Variants in MACF1 observed in about 807,000 individuals in gnomAD.
The protein encoded by MACF1 is microtubule actin crosslinking factor 1, also known as microtubule-actin cross-linking factor 1.
A neutral mutation model predicts 854.8 loss-of-function variants in MACF1; 193 were observed. The ratio of observed to expected loss-of-function variants is 0.23; its 90% CI spans 0.20 to 0.25. The LOEUF (loss-of-function observed/expected upper bound fraction) is 0.25, where lower values mean the gene tolerates loss of function less well. MACF1 is among the 10% of genes least tolerant of loss of function. MACF1 has a pLI of 1.00. For synonymous variants in MACF1, 3,185 were observed against 3,226.7 expected (o/e 0.99, Z 0.44); for missense variants, 7,722 against 8,929.1 (o/e 0.86, Z 5.45).
chr1:39,465,228 G>A (rs1644641269), intron 95 of MACF1, 116 bp downstream of exon 95: 3 of 1,036,394 alleles, frequency 2.9e-6, no homozygotes, highest in African/African-American at 1.6e-5. Flanking sequence ...GGTCGCACCT[G>A]GTTGTCTTAC....
At chr1:39,299,351 T>G (rs1349939717) in intron 21 of MACF1, 5 of 451,440 alleles carry the variant, frequency 1.1e-5, no homozygotes, top group African/African-American at 2.0e-5. Context: ...TCTCATCGCA[T>G]CTACATCCAT....
At chr1:39,284,731 A>G (rs1210397414) in intron 11 of MACF1, among the ~76,000 whole-genome samples, 1 of 152,206 alleles carries the variant, frequency 6.6e-6, no homozygotes, top group Non-Finnish European at 1.5e-5. Flanking sequence ...TAGGGTGGAA[A>G]GAAGAGAGAC....
chr1:39,465,646 G>C (rs146779811), intron 95 of MACF1, among the ~76,000 whole-genome samples: 2 of 152,288 alleles, frequency 1.3e-5, no homozygotes, highest in African/African-American at 4.8e-5. Context: ...AGATTTAATG[G>C]GACCAAATTA....
chr1:39,150,158 C>T (rs1643548713), intron 2 of MACF1, among the ~76,000 whole-genome samples: 1 of 152,100 alleles, frequency 6.6e-6, no homozygotes, highest in African/African-American at 2.4e-5. Context: ...GCTGGGGTTA[C>T]AGGCGCATGT....
chr1:39,283,377 G>A lies in MACF1; in HGVS notation c.809-32G>A, dbSNP rs925347735. On this transcript the variant is annotated intron_variant, in intron 8 of 100. Transcript: ENST00000564288. This position sits in a 1 kb window ranked among gnomAD's most constrained non-coding sequence, Gnocchi z 4.5. The stretch of plus-strand genomic sequence containing the variant: ...TTCTTCTGGCAAGTTCCTTTGTTCT[G>A]ACTAAGAAATTTCTTGTCCATTCTC... The A allele has an allele frequency of 1.3e-6, 2 of 1,590,312 alleles. No homozygotes were observed.
At chr1:39,395,099 C>CA (rs1207522872) in intron 58 of MACF1, among the ~76,000 whole-genome samples, 1 of 152,182 alleles carries the variant, frequency 6.6e-6, no homozygotes, top group East Asian at 1.9e-4. Flanking sequence ...GGCAGCCACT[C>CA]ACGCCACCAC....
intron 23 of MACF1, 114 bp from the exon 24 acceptor site, chr1:39,309,456 C>T: frequency 7.9e-7 from 1 of 1,259,320 alleles, no homozygotes; most frequent in Non-Finnish European, 1.1e-6. Flanking sequence ...TTGCCTTTCT[C>T]TGCTCAACAT....
In MACF1 at chr1:39,307,901, C is replaced by CTTTTTTTTTTTTTTTTTTTTTTTTTTTT. The variant is rs34930273; in HGVS notation, c.2790-1648_2790-1647insTTTTTTTTTTTTTTTTTTTTTTTTTTTT. On this transcript the variant is annotated intron_variant, in intron 23 of 100. Coordinates refer to ENST00000564288, the MANE Select transcript of MACF1 (RefSeq NM_001394062.1). ...TTATTTCTCTTTTCTTTCTTTCTTTCTTTTTTTTTTTTTTTTTTTTTGAGA... is the reference window on the plus strand; with the variant it reads ...TTATTTCTCTTTTCTTTCTTTCTTTCTTTTTTTTTTTTTTTTTTTTTTTTTTTTTTTTTTTTTTTTTTTTTTTTTGAGA... Among the ~76,000 whole-genome samples, 43 of 50,398 alleles carry CTTTTTTTTTTTTTTTTTTTTTTTTTTTT rather than the reference C, an allele frequency of 8.5e-4. 1 individual carries two copies. Among genetic ancestry groups the CTTTTTTTTTTTTTTTTTTTTTTTTTTTT allele is most frequent in the East Asian group, 1.4e-3 (2 of 1,454 alleles). The allele number at this position is 50,398 out of a possible 152,430, so 33.1% of individuals were successfully genotyped here.
chr1:39,308,095 G>A (rs868593843), intron 23 of MACF1, among the ~76,000 whole-genome samples: 1 of 151,272 alleles, frequency 6.6e-6, no homozygotes, highest in Non-Finnish European at 1.5e-5. Context: ...TAGTAGAGAC[G>A]GGGTTTCACC....
At position 39,482,747 on chromosome 1, in the gene MACF1, T is replaced by C. The variant is rs551553087; in HGVS notation, c.22281+1717T>C. Among the ~76,000 whole-genome samples, 14 of 142,064 alleles carry C rather than the reference T, an allele frequency of 9.9e-5. No individual in the cohort carries two copies. The South Asian group carries it at 3.1e-3, about 31-fold the overall frequency. The allele number at this position is 142,064 out of a possible 152,430, so 93.2% of individuals were successfully genotyped here. A position where few individuals can be genotyped will look rare whatever the true frequency, so the allele number is the denominator to read the frequency against. On this transcript the variant is annotated intron_variant, in intron 99 of 100. Transcript: ENST00000564288. The stretch of plus-strand genomic sequence containing the variant: ...AGGCAGAGGTTGCAGTGAGCCAAGA[T>C]TGTGCCACTGCACTCCAGCCTGGGC...
intron 58 of MACF1, chr1:39,414,245 C>T (rs781590150): frequency 6.2e-7 from 1 of 1,614,066 alleles, no homozygotes; most frequent in Non-Finnish European, 8.5e-7. Flanking sequence ...GCTGCAGTGC[C>T]TCCTATGGAG....
chr1:39,365,199 C>A (rs996280406), intron 49 of MACF1, among the ~76,000 whole-genome samples: 1 of 152,130 alleles, frequency 6.6e-6, no homozygotes, highest in African/African-American at 2.4e-5. Context: ...CCTCAACCTC[C>A]CAAGTAGCTG....
intron 2 of MACF1, among the ~76,000 whole-genome samples, chr1:39,171,203 TTGTGTGTG>T (rs147517281): frequency 1.4e-4 from 21 of 146,332 alleles, no homozygotes; most frequent in African/African-American, 3.2e-4. Context: ...ATCTTTCTGT[TTGTGTGTG>T]TGTGTGTGTG....
chr1:39,257,879 A>G, intron 5 of MACF1, 57 bp from the exon 6 acceptor site: 1 of 1,325,804 alleles, frequency 7.5e-7, no homozygotes, highest in African/African-American at 1.5e-5. Context: ...TGATGCAAAA[A>G]TTTAATCAAA....
chr1:39,179,670 G>A (rs1310026912), intron 2 of MACF1, among the ~76,000 whole-genome samples: 1 of 152,126 alleles, frequency 6.6e-6, no homozygotes, highest in Non-Finnish European at 1.5e-5. Flanking sequence ...GTCTCGGTTA[G>A]CCTTTTGCCT....
intron 2 of MACF1, among the ~76,000 whole-genome samples, chr1:39,189,514 A>G (rs1346208891): frequency 6.6e-6 from 1 of 152,130 alleles, no homozygotes; most frequent in Non-Finnish European, 1.5e-5. Flanking sequence ...AGCCTCCTCA[A>G]CCCCAACCCA....
chr1:39,453,480 ATT>A (rs1205529457), intron 87 of MACF1, among the ~76,000 whole-genome samples: 2 of 152,202 alleles, frequency 1.3e-5, no homozygotes, highest in Non-Finnish European at 2.9e-5. Flanking sequence ...TGTGTGTCCT[ATT>A]CTTTGTTGTC....
chr1:39,144,003 T>C (rs1643406646), intron 2 of MACF1, among the ~76,000 whole-genome samples: 1 of 151,670 alleles, frequency 6.6e-6, no homozygotes, highest in African/African-American at 2.4e-5. Flanking sequence ...TTAGCCAGGA[T>C]GATCTTGATC....
At chr1:39,318,307 G>A (rs1041638584) in intron 29 of MACF1, 146 bp from the exon 30 acceptor site, 1 of 671,796 alleles carries the variant, frequency 1.5e-6, no homozygotes, top group Non-Finnish European at 2.5e-6. Context: ...GTCTCACTCA[G>A]CCTTGCATCG....
Sources: allele counts gnomAD v4.1 joint callset (sites outside exome capture counted in the v4.1 genomes callset), GRCh38; gene constraint gnomAD v4.1.1; non-coding constraint Gnocchi (gnomAD v3.1); transcripts MANE v1.5; gene names NCBI Gene and HGNC (gene_info 2026-07-23, HGNC 2026-07-21).